COX5A: variants seen among roughly 807,000 people sequenced by gnomAD.
COX5A encodes the protein cytochrome c oxidase subunit 5A.
A neutral mutation model predicts 16.1 loss-of-function variants in COX5A; 6 were observed. That is an observed-to-expected ratio of 0.37 (90% CI 0.20 to 0.73). COX5A has a LOEUF of 0.73. COX5A is among the 30% of genes least tolerant of loss of function. The pLI, the probability that COX5A is intolerant of heterozygous loss-of-function variation, is 0.50. For missense variants in COX5A, 159 were observed against 194.9 expected (o/e 0.82, Z 1.10); for synonymous variants, 73 against 73.8 (o/e 0.99, Z 0.06).
At chr15:74,924,994 A>G (rs994809825) in intron 3 of COX5A, among the ~76,000 whole-genome samples, 1 of 152,174 alleles carries the variant, frequency 6.6e-6, no homozygotes, top group African/African-American at 2.4e-5. Flanking sequence ...TGCTGTCACA[A>G]GGTTCCTTAG....
At chr15:74,926,918 C>T (rs1411651895) in intron 2 of COX5A, 31 bp from the exon 3 acceptor site, 2 of 1,600,652 alleles carry the variant, frequency 1.2e-6, no homozygotes, top group Non-Finnish European at 1.7e-6. Context: ...GCCATGTCAA[C>T]CTCGAAGAGC....
At chr15:74,931,008 C>A (rs2065364626) in intron 1 of COX5A, among the ~76,000 whole-genome samples, 1 of 94,102 alleles carries the variant, frequency 1.1e-5, no homozygotes, top group East Asian at 4.1e-4. Context: ...CAGAGCGAGA[C>A]TCTGTCTCAA....
chr15:74,924,301 G>A (rs1442031620), intron 3 of COX5A, among the ~76,000 whole-genome samples: 1 of 151,936 alleles, frequency 6.6e-6, no homozygotes, highest in Non-Finnish European at 1.5e-5. Flanking sequence ...CACTTTGGGA[G>A]GCCAAGGCGG....
Position 74,926,897 on chromosome 15 carries a change from T to C in COX5A, c.218-10A>G. ...ACAAGTGTGTTTATCCCTGCAAAATTAAAAAGAAGGGCCATGTCAACCTCG... is the reference window on the plus strand; with the variant it reads ...ACAAGTGTGTTTATCCCTGCAAAATCAAAAAGAAGGGCCATGTCAACCTCG... On this transcript the variant is annotated splice_polypyrimidine_tract_variant and intron_variant, in intron 2 of 4. Coordinates refer to ENST00000322347, the MANE Select transcript of COX5A (RefSeq NM_004255.4). 1 of 1,604,760 alleles carries C rather than the reference T, an allele frequency of 6.2e-7. No individual in the cohort carries two copies. The highest frequency in any genetic ancestry group is 8.5e-7 in the Non-Finnish European group (1 of 1,177,044).
At chr15:74,935,099 C>T (rs941332565) in intron 1 of COX5A, among the ~76,000 whole-genome samples, 14 of 152,096 alleles carry the variant, frequency 9.2e-5, no homozygotes, top group African/African-American at 3.4e-4. Context: ...AGAATGAACA[C>T]TTTGGTGGTG....
intron 3 of COX5A, among the ~76,000 whole-genome samples, chr15:74,925,695 A>C (rs1005686730): frequency 6.6e-6 from 1 of 151,244 alleles, no homozygotes; most frequent in African/African-American, 2.4e-5. Flanking sequence ...GCCGACACAA[A>C]TATGTTTAAA....
Position 74,929,001 on chromosome 15 carries a change from A to G in COX5A, c.217+115T>C, listed in dbSNP as rs1041832906. On this transcript the variant is annotated intron_variant, in intron 2 of 4. Coordinates refer to ENST00000322347, the MANE Select transcript of COX5A (RefSeq NM_004255.4). ...ATAAACTTTCCTAACTGCAAGTTGCATGAAGTAACCAGTTTAAACAACGCA... is the reference window on the plus strand; with the variant it reads ...ATAAACTTTCCTAACTGCAAGTTGCGTGAAGTAACCAGTTTAAACAACGCA... 22 of 754,190 alleles carry G rather than the reference A, an allele frequency of 2.9e-5. No homozygotes were observed. In the African/African-American group the frequency reaches 3.6e-4, roughly 12 times the overall value. The allele number at this position is 754,190 out of a possible 1,614,324, so 46.7% of individuals were successfully genotyped here. A position where few individuals can be genotyped will look rare whatever the true frequency, so the allele number is the denominator to read the frequency against.
chr15:74,937,812 A>T, intron 1 of COX5A, 103 bp downstream of exon 1: 5 of 670,370 alleles, frequency 7.5e-6, no homozygotes, highest in Non-Finnish European at 1.0e-5. Context: ...TAACCAGGGT[A>T]GGGCAAGGGC....
intron 4 of COX5A, among the ~76,000 whole-genome samples, chr15:74,922,814 T>C (rs1051208478): frequency 1.3e-5 from 2 of 151,924 alleles, no homozygotes; most frequent in African/African-American, 2.4e-5. Flanking sequence ...TACAGGCACA[T>C]GCCACCACAC....
rs200848101 is a variant in COX5A, at chr15:74,929,088, T to C, written c.217+28A>G. On this transcript the variant is annotated intron_variant, in intron 2 of 4. Transcript: ENST00000322347. ...AGCAGTTCATATTTACACACCAAAA[T>C]AGACAAATATGTTTATGTTCCAATT... 8.1e-6 allele frequency: 12 copies of C among 1,487,784 alleles called. No individual in the cohort carries two copies. The African/African-American group carries it at 9.7e-5, about 12-fold the overall frequency. 92.2% of individuals were successfully genotyped at this position (1,487,784 alleles called of 1,614,324 possible). A position where few individuals can be genotyped will look rare whatever the true frequency, so the allele number is the denominator to read the frequency against.
At chr15:74,923,044 T>C (rs2065328800) in intron 4 of COX5A, among the ~76,000 whole-genome samples, 1 of 152,214 alleles carries the variant, frequency 6.6e-6, no homozygotes, top group South Asian at 2.1e-4. Flanking sequence ...ACTCACTATA[T>C]TATCATCTAT....
In COX5A at chr15:74,929,138, T is replaced by C. The variant is rs2065355682; in HGVS notation, c.195A>G (p.Ile65Met). Reference protein sequence around the residue: ...RWVTYFNKPDIDAWELRKGIN... With the variant: ...RWVTYFNKPDMDAWELRKGIN... ...TACCTTTACGCAATTCCCAGGCATC[T>C]ATATCTGGCTTGTTGAAGTATGTTA... The change falls in exon 2 of 5, where the codon ATA becomes ATG. Residue 65 changes from isoleucine to methionine, a missense_variant. Coordinates refer to ENST00000322347, the MANE Select transcript of COX5A (RefSeq NM_004255.4). 1 of 1,612,868 alleles carries C rather than the reference T, an allele frequency of 6.2e-7. No individual in the cohort carries two copies. Among genetic ancestry groups the C allele is most frequent in the Non-Finnish European group, 8.5e-7 (1 of 1,178,808 alleles).
intron 1 of COX5A, among the ~76,000 whole-genome samples, chr15:74,932,883 A>G (rs900881089): frequency 6.6e-6 from 1 of 151,686 alleles, no homozygotes; most frequent in African/African-American, 2.4e-5. Flanking sequence ...TCTTTAGTAG[A>G]CACAAAGTTT....
intron 1 of COX5A, among the ~76,000 whole-genome samples, chr15:74,929,442 T>C (rs1027414282): frequency 2.0e-5 from 3 of 152,382 alleles, no homozygotes; most frequent in Middle Eastern, 3.4e-3. Context: ...TACATAGGCA[T>C]GTTTATACTT....
At chr15:74,934,768 C>G (rs2065381780) in intron 1 of COX5A, among the ~76,000 whole-genome samples, 1 of 152,130 alleles carries the variant, frequency 6.6e-6, no homozygotes, top group Non-Finnish European at 1.5e-5. Flanking sequence ...CCCCACCCCA[C>G]TTAAGAACAG....
intron 1 of COX5A, among the ~76,000 whole-genome samples, chr15:74,933,322 G>A (rs576057802): frequency 1.1e-4 from 16 of 152,100 alleles, no homozygotes; most frequent in Middle Eastern, 3.4e-3. Flanking sequence ...GCTGAAGGAG[G>A]AGAATAGCTT....
chr15:74,922,005 T>A (rs1176703197), intron 4 of COX5A, among the ~76,000 whole-genome samples: 1 of 152,100 alleles, frequency 6.6e-6, no homozygotes, highest in East Asian at 1.9e-4. Flanking sequence ...CTGGGCAACA[T>A]AGTGAGACTC....
intron 1 of COX5A, among the ~76,000 whole-genome samples, chr15:74,937,511 G>A (rs1376520134): frequency 2.0e-5 from 3 of 152,188 alleles, no homozygotes; most frequent in Admixed American, 6.5e-5. Flanking sequence ...TGTGTCCTCG[G>A]ACCCCAAGCG....
chr15:74,931,112 ATCAAACTACAGCCCCT>A (rs2065365598), intron 1 of COX5A, among the ~76,000 whole-genome samples: 1 of 150,922 alleles, frequency 6.6e-6, no homozygotes, highest in Admixed American at 6.7e-5. Flanking sequence ...AAATTGCTTT[ATCAAACTACAGCCCCT>A]TCCCAAAATA....
Sources: allele counts gnomAD v4.1 joint callset (sites outside exome capture counted in the v4.1 genomes callset), GRCh38; gene constraint gnomAD v4.1.1; transcripts MANE v1.5; gene names NCBI Gene and HGNC (gene_info 2026-07-23, HGNC 2026-07-21).